Variants in ARHGAP19 observed in about 807,000 individuals in gnomAD.
ARHGAP19 encodes the protein Rho GTPase activating protein 19.
A neutral mutation model predicts 60.9 loss-of-function variants in ARHGAP19; 48 were observed. The observed-to-expected ratio is 0.79, with a 90% CI of 0.62 to 1.00. ARHGAP19 has a LOEUF of 1.00. ARHGAP19 is among the 50% of genes least tolerant of loss of function. The probability of loss-of-function intolerance (pLI) is 0.00; values close to 1 mark genes in which losing one functional copy is unlikely to be tolerated. For synonymous variants in ARHGAP19, 209 were observed against 215.5 expected, an observed-to-expected ratio of 0.97 and a Z score of 0.27; for missense variants, 562 against 597.2, an observed-to-expected ratio of 0.94 and a Z score of 0.61.
Position 97,236,552 on chromosome 10 carries a change from G to C in ARHGAP19, c.1186-1237C>G, listed in dbSNP as rs190429809. Among the ~76,000 whole-genome samples the C allele has an allele frequency of 5.5e-3, 838 of 152,158 alleles. 24 individuals carry two copies. The highest frequency in any genetic ancestry group is 6.8e-3 in the Middle Eastern group (2 of 294). On this transcript the variant is annotated intron_variant, in intron 8 of 11. Transcript: ENST00000358531. ...GTAAATTCTCTCATATCCAACTCAAGGGAGTGTTAACTGGCAAAATGTTCT... is the reference window on the plus strand; with the variant it reads ...GTAAATTCTCTCATATCCAACTCAACGGAGTGTTAACTGGCAAAATGTTCT...
At chr10:97,226,329 C>T (rs935123703) in intron 11 of ARHGAP19, among the ~76,000 whole-genome samples, 197 bp from the exon 12 acceptor site, 1 of 152,118 alleles carries the variant, frequency 6.6e-6, no homozygotes, top group Non-Finnish European at 1.5e-5. Context: ...TCTTAATGGC[C>T]GTAACAGCTA....
intron 6 of ARHGAP19, among the ~76,000 whole-genome samples, chr10:97,250,884 G>A (rs1309685576): frequency 1.3e-5 from 2 of 151,748 alleles, no homozygotes; most frequent in Non-Finnish European, 2.9e-5. Flanking sequence ...TGGGCAACAT[G>A]GTAGTACCCT....
intron 1 of ARHGAP19, among the ~76,000 whole-genome samples, chr10:97,289,425 T>C (rs914816073): frequency 6.6e-6 from 1 of 152,148 alleles, no homozygotes; most frequent in Non-Finnish European, 1.5e-5. Flanking sequence ...ACTTCTCTTT[T>C]ACAATATGGA....
intron 1 of ARHGAP19, among the ~76,000 whole-genome samples, chr10:97,267,654 C>T (rs890104641): frequency 1.3e-5 from 2 of 152,246 alleles, no homozygotes; most frequent in Non-Finnish European, 2.9e-5. Context: ...GTTCCCAAAC[C>T]TCAATTCTTG....
intron 11 of ARHGAP19, 135 bp downstream of exon 11, chr10:97,229,012 C>G: frequency 1.2e-6 from 1 of 843,704 alleles, no homozygotes; most frequent in Non-Finnish European, 2.0e-6. Context: ...AACTCAAGGG[C>G]AAGGACCTGG....
chr10:97,260,425 G>A (rs563851370), intron 4 of ARHGAP19, among the ~76,000 whole-genome samples: 63 of 151,956 alleles, frequency 4.1e-4, no homozygotes, highest in African/African-American at 1.5e-3. Context: ...AGCTACTCAG[G>A]AGGCAGAGGC....
intron 1 of ARHGAP19, among the ~76,000 whole-genome samples, chr10:97,289,576 C>T (rs2134935650): frequency 6.6e-6 from 1 of 152,150 alleles, no homozygotes; most frequent in Middle Eastern, 3.4e-3. Context: ...TGGCTGACAC[C>T]TATAATCCCA....
At chr10:97,264,932 G>A (rs894145666) in intron 2 of ARHGAP19, 26 bp from the exon 3 acceptor site, 2 of 1,541,882 alleles carry the variant, frequency 1.3e-6, no homozygotes, top group African/African-American at 1.4e-5. Flanking sequence ...ATATGACAGG[G>A]CTATATTTCA....
chr10:97,287,155 G>A (rs911367006), intron 1 of ARHGAP19, among the ~76,000 whole-genome samples: 6 of 151,962 alleles, frequency 3.9e-5, no homozygotes, highest in African/African-American at 1.5e-4. Flanking sequence ...ATATTGCCCA[G>A]GCTAGTCTCA....
chr10:97,231,031 T>G (rs1305270001), intron 9 of ARHGAP19, among the ~76,000 whole-genome samples: 1 of 15,892 alleles, frequency 6.3e-5, no homozygotes, highest in Admixed American at 1.1e-3. Context: ...CACTCCAGCC[T>G]GCACACCTAG....
rs1454727865 is a variant in ARHGAP19, at chr10:97,270,595, AC to A, written c.57-4471del. ...TATACTAAAGTTCAAGAAAATAAAT[AC>A]ATTTCTTACATAAGTGCTGAAAGTT... On this transcript the variant is annotated intron_variant, in intron 1 of 11. Coordinates refer to ENST00000358531, the MANE Select transcript of ARHGAP19 (RefSeq NM_032900.6). 2.6e-6 allele frequency: 4 copies of A among 1,542,934 alleles called. No homozygotes were observed. The Admixed American group carries it at 7.9e-5, about 31-fold the overall frequency.
intron 1 of ARHGAP19, among the ~76,000 whole-genome samples, chr10:97,281,939 C>A (rs992031307): frequency 2.0e-5 from 3 of 152,050 alleles, no homozygotes; most frequent in Non-Finnish European, 4.4e-5. Context: ...ACATTAGTGG[C>A]CAGCCCTTTT....
chr10:97,290,000 T>G (rs77689715), intron 1 of ARHGAP19, among the ~76,000 whole-genome samples: 5,992 of 151,966 alleles, frequency 0.039, 199 homozygotes, highest in Non-Finnish European at 0.06. Context: ...TGAAGGATGA[T>G]CTAATCAAAT....
At chr10:97,235,392 G>T in intron 8 of ARHGAP19, 77 bp from the exon 9 acceptor site, 2 of 1,304,762 alleles carry the variant, frequency 1.5e-6, no homozygotes, top group Non-Finnish European at 2.2e-6. Context: ...TAATAGCTAA[G>T]TGTAAATAAA....
chr10:97,237,374 C>A (rs1443517467), intron 8 of ARHGAP19, among the ~76,000 whole-genome samples: 2 of 151,632 alleles, frequency 1.3e-5, no homozygotes, highest in East Asian at 3.9e-4. Context: ...AATGACAGAC[C>A]ACGTATATGA....
At chr10:97,273,316 C>T (rs923951730) in intron 1 of ARHGAP19, among the ~76,000 whole-genome samples, 21 of 151,966 alleles carry the variant, frequency 1.4e-4, no homozygotes, top group Admixed American at 3.9e-4. Context: ...GCACACACCA[C>T]CACACCCAGC....
chr10:97,229,676 C>G, intron 10 of ARHGAP19, 88 bp downstream of exon 10: 1 of 971,460 alleles, frequency 1.0e-6, no homozygotes. Flanking sequence ...CCCAAAGAAA[C>G]ACAGTAAAAC....
At chr10:97,282,650 G>C (rs1342265348) in intron 1 of ARHGAP19, among the ~76,000 whole-genome samples, 1 of 152,078 alleles carries the variant, frequency 6.6e-6, no homozygotes, top group African/African-American at 2.4e-5. Context: ...TCTCCAGCAA[G>C]GTCTGGAACT....
At position 97,241,967 on chromosome 10, in the gene ARHGAP19, G is replaced by A. The variant is rs184833237; in HGVS notation, c.1185+2001C>T. ...GGAGCTTGCAGTGAGTGGAGATTGCGCCACTGCATTCCAGCCTGGGCGACA... is the reference window on the plus strand; with the variant it reads ...GGAGCTTGCAGTGAGTGGAGATTGCACCACTGCATTCCAGCCTGGGCGACA... On this transcript the variant is annotated intron_variant, in intron 8 of 11. Coordinates refer to ENST00000358531, the MANE Select transcript of ARHGAP19 (RefSeq NM_032900.6). 3.9e-3 allele frequency among the ~76,000 whole-genome samples: 566 copies of A among 145,694 alleles called. 4 individuals carry two copies. The highest frequency in any genetic ancestry group is 0.013 in the African/African-American group (529 of 39,294).
Sources: gnomAD v4.1 joint callset for allele counts (sites outside exome capture counted in the v4.1 genomes callset) on GRCh38, gnomAD v4.1.1 for gene constraint, MANE v1.5 for transcripts, NCBI Gene and HGNC (gene_info 2026-07-23, HGNC 2026-07-21) for gene names.